SND1: variants seen among roughly 807,000 people sequenced by gnomAD.
SND1 encodes staphylococcal nuclease and tudor domain containing 1.
SND1 carries 38 observed loss-of-function variants against 121.7 expected under a neutral mutation model. The observed-to-expected ratio is 0.31, with a 90% confidence interval of 0.24 to 0.41. SND1 has a LOEUF of 0.41. SND1 is among the 10% of genes least tolerant of loss of function. SND1 has a pLI of 1.00. For synonymous variants in SND1, 401 were observed against 447.4 expected (o/e 0.90, Z 1.31); for missense variants, 868 against 1,184.6 (o/e 0.73, Z 3.92).
At chr7:127,669,553 A>G (rs1454331551) in intron 1 of SND1, among the ~76,000 whole-genome samples, 1 of 152,160 alleles carries the variant, frequency 6.6e-6, no homozygotes, top group African/African-American at 2.4e-5. Flanking sequence ...TGTCCGAGCA[A>G]ATTCTATCAT....
intron 1 of SND1, among the ~76,000 whole-genome samples, chr7:127,664,772 A>G (rs979801771): frequency 3.9e-5 from 6 of 152,174 alleles, no homozygotes. Flanking sequence ...GGGATCTGAC[A>G]CTAATTCCAG....
At chr7:127,897,566 A>G (rs1800145158) in intron 13 of SND1, among the ~76,000 whole-genome samples, 1 of 152,154 alleles carries the variant, frequency 6.6e-6, no homozygotes, top group Admixed American at 6.6e-5. Context: ...ATCCACCAAT[A>G]GAGTCCACAA....
At chr7:128,001,965 G>C (rs996377530) in intron 16 of SND1, among the ~76,000 whole-genome samples, 5 of 152,082 alleles carry the variant, frequency 3.3e-5, no homozygotes, top group Non-Finnish European at 7.4e-5. Flanking sequence ...ATTCTCTCAG[G>C]GCTTAACTGA....
intron 15 of SND1, among the ~76,000 whole-genome samples, chr7:127,978,235 A>G (rs1563076833): frequency 3.9e-5 from 6 of 152,336 alleles, no homozygotes; most frequent in Admixed American, 3.9e-4. Context: ...AGAAGCATCA[A>G]GGAAGAAAGG....
At chr7:127,717,892 G>A (rs1445849249) in intron 9 of SND1, among the ~76,000 whole-genome samples, 3 of 152,164 alleles carry the variant, frequency 2.0e-5, no homozygotes, top group East Asian at 3.9e-4. Flanking sequence ...ACAGCAGCCC[G>A]TTGCACCCAG....
At chr7:127,904,523 G>A (rs1800294249) in intron 13 of SND1, 1 of 372,098 alleles carries the variant, frequency 2.7e-6, no homozygotes, top group South Asian at 6.4e-5. Flanking sequence ...AGTGGAAACT[G>A]GCAGCCAAGT....
At chr7:127,844,182 CT>C in intron 11 of SND1, 141 bp from the exon 12 acceptor site, 1 of 495,204 alleles carries the variant, frequency 2.0e-6, no homozygotes, top group Non-Finnish European at 3.6e-6. Flanking sequence ...TCAGCTATTT[CT>C]TTTAATTGGT....
chr7:127,874,617 A>G lies in SND1; in HGVS notation c.1344-13285A>G, dbSNP rs566360570. Among the ~76,000 whole-genome samples the G allele has an allele frequency of 3.0e-4, 45 of 152,180 alleles. 1 individual carries two copies. In the South Asian group the frequency reaches 9.3e-3, roughly 32 times the overall value. On this transcript the variant is annotated intron_variant, in intron 12 of 23. Transcript: ENST00000354725. ...AATTTTGTTTCTCAAAGGATAGAGG[A>G]GCAGAAAAAAAAATAAGGAATGAAG...
chr7:128,020,374 T>C (rs1563090646), intron 16 of SND1, among the ~76,000 whole-genome samples: 1 of 152,176 alleles, frequency 6.6e-6, no homozygotes. Flanking sequence ...CCCCTGGAGT[T>C]GTAAGTCATG....
intron 11 of SND1, among the ~76,000 whole-genome samples, chr7:127,836,906 A>G (rs1322522195): frequency 6.6e-6 from 1 of 152,226 alleles, no homozygotes; most frequent in Non-Finnish European, 1.5e-5. Flanking sequence ...TGAATAGAAT[A>G]TATTTTACAT....
chr7:128,037,230 C>T (rs1792766306), intron 16 of SND1, among the ~76,000 whole-genome samples: 1 of 152,190 alleles, frequency 6.6e-6, no homozygotes. Context: ...GAGAATCATT[C>T]CTTGCCTCTT....
At chr7:127,891,159 A>C (rs1315264946) in intron 13 of SND1, among the ~76,000 whole-genome samples, 1 of 152,110 alleles carries the variant, frequency 6.6e-6, no homozygotes, top group Non-Finnish European at 1.5e-5. Flanking sequence ...CTTGCTAGAT[A>C]GGAATGGTGG....
At chr7:127,981,097 G>C (rs1802248583) in intron 15 of SND1, among the ~76,000 whole-genome samples, 1 of 152,192 alleles carries the variant, frequency 6.6e-6, no homozygotes, top group South Asian at 2.1e-4. Context: ...GTGCCTGTTA[G>C]ATGCTGTCTG....
intron 14 of SND1, among the ~76,000 whole-genome samples, chr7:127,923,870 T>C (rs562431244): frequency 6.6e-6 from 1 of 152,170 alleles, no homozygotes; most frequent in Non-Finnish European, 1.5e-5. Flanking sequence ...CCTTAACGAT[T>C]TGTTCTGATC....
At chr7:127,998,052 C>A in intron 16 of SND1, 1 of 508,026 alleles carries the variant, frequency 2.0e-6, no homozygotes, top group Non-Finnish European at 4.1e-6. Flanking sequence ...CAGACAGGAA[C>A]CATGTTTTGT....
At chr7:127,696,670 G>C (rs1159650406) in intron 3 of SND1, among the ~76,000 whole-genome samples, 2 of 152,120 alleles carry the variant, frequency 1.3e-5, no homozygotes, top group African/African-American at 4.8e-5. Flanking sequence ...ACCCCTAAGA[G>C]TTCATTTTAA....
chr7:127,790,728 T>A (rs1211622660), intron 10 of SND1, among the ~76,000 whole-genome samples: 1 of 152,220 alleles, frequency 6.6e-6, no homozygotes, highest in Non-Finnish European at 1.5e-5. Flanking sequence ...TTGGGTTAGA[T>A]GTATTACGAG....
chr7:127,990,764 C>T (rs1348617126), intron 15 of SND1, among the ~76,000 whole-genome samples, 183 bp from the exon 16 acceptor site: 1 of 152,140 alleles, frequency 6.6e-6, no homozygotes. Flanking sequence ...TTGGTTTTTT[C>T]CACCTGGAGA....
At chr7:127,727,620 G>C (rs1482592851) in intron 10 of SND1, among the ~76,000 whole-genome samples, 1 of 152,100 alleles carries the variant, frequency 6.6e-6, no homozygotes, top group Admixed American at 6.5e-5. Context: ...AGGGACTCCA[G>C]CTTGGCATTA....
Sources: allele counts gnomAD v4.1 joint callset (sites outside exome capture counted in the v4.1 genomes callset), GRCh38; gene constraint gnomAD v4.1.1; transcripts MANE v1.5; gene names NCBI Gene and HGNC (gene_info 2026-07-23, HGNC 2026-07-21).